NIPSNAP2: variants seen among roughly 807,000 people sequenced by gnomAD.
NIPSNAP2 encodes the protein protein NipSnap homolog 2.
NIPSNAP2 carries 42 observed loss-of-function variants against 48.4 expected under a neutral mutation model. The observed-to-expected ratio is 0.87, with a 90% CI of 0.68 to 1.12. NIPSNAP2 has a LOEUF of 1.12. Among genes scored for constraint, NIPSNAP2 ranks in the 50% most tolerant of loss-of-function variants. NIPSNAP2 has a pLI of 0.00. For missense variants in NIPSNAP2, 314 were observed against 347.3 expected, an observed-to-expected ratio of 0.90 and a Z score of 0.76; for synonymous variants, 158 against 126.6, an observed-to-expected ratio of 1.25 and a Z score of -1.67.
chr7:55,990,668 C>T (rs1787424653), intron 7 of NIPSNAP2, among the ~76,000 whole-genome samples: 1 of 152,158 alleles, frequency 6.6e-6, no homozygotes, highest in Non-Finnish European at 1.5e-5. Context: ...AAGGGGGAGG[C>T]CACATGGTGC....
intron 1 of NIPSNAP2, among the ~76,000 whole-genome samples, chr7:55,970,040 C>CATCCTGT (rs1325646911): frequency 2.0e-5 from 3 of 151,816 alleles, no homozygotes; most frequent in South Asian, 4.2e-4. Flanking sequence ...CCTGCTGCCT[C>CATCCTGT]ATCCTGTGGT....
chr7:55,966,232 T>A (rs1786893607), intron 1 of NIPSNAP2, among the ~76,000 whole-genome samples: 1 of 152,172 alleles, frequency 6.6e-6, no homozygotes, highest in Non-Finnish European at 1.5e-5. Context: ...AGGTAACATT[T>A]AGGAGTTGTC....
Position 55,978,040 on chromosome 7 carries a change from G to A in NIPSNAP2, c.93-86G>A, listed in dbSNP as rs539165939. On this transcript the variant is annotated intron_variant, in intron 1 of 9. Transcript: ENST00000322090. Reference sequence around the variant, plus strand: ...AGCCCAGGTTCTGGAACGGTGCCTAGAATAGCTGCTCACTGTGTTTGCCAG... The same window carrying A: ...AGCCCAGGTTCTGGAACGGTGCCTAAAATAGCTGCTCACTGTGTTTGCCAG... The A allele has an allele frequency of 4.7e-6, 7 of 1,489,622 alleles. No homozygotes were observed. In the East Asian group the frequency reaches 1.4e-4, roughly 29 times the overall value. 92.3% of individuals were successfully genotyped at this position (1,489,622 alleles called of 1,614,324 possible).
chr7:55,987,497 G>A (rs1387814045), intron 7 of NIPSNAP2, among the ~76,000 whole-genome samples: 3 of 152,024 alleles, frequency 2.0e-5, no homozygotes, highest in Non-Finnish European at 4.4e-5. Context: ...GCGTGGTAGC[G>A]TGCACCTGTA....
intron 1 of NIPSNAP2, among the ~76,000 whole-genome samples, chr7:55,972,454 CAG>C (rs1206422872): frequency 2.1e-5 from 3 of 139,672 alleles, no homozygotes; most frequent in African/African-American, 5.3e-5. Context: ...TTTTTTGAGA[CAG>C]AGTTTCACTC....
At chr7:55,985,059 G>T (rs1286710452) in intron 7 of NIPSNAP2, among the ~76,000 whole-genome samples, 181 bp downstream of exon 7, 1 of 152,090 alleles carries the variant, frequency 6.6e-6, no homozygotes, top group Non-Finnish European at 1.5e-5. Flanking sequence ...GAATAATGGG[G>T]CTCCCCTTCC....
At chr7:55,993,574 C>G (rs1787493504) in intron 7 of NIPSNAP2, among the ~76,000 whole-genome samples, 1 of 78,726 alleles carries the variant, frequency 1.3e-5, no homozygotes, top group Non-Finnish European at 2.7e-5. Flanking sequence ...GAGACTCCAT[C>G]TAAAAAAAAA....
rs2116352402 is a variant in NIPSNAP2 at position 55,982,278 on chromosome 7, A to G, written c.442A>G (p.Lys148Glu). Reference protein sequence around the residue: ...TEVMNKLRENKEFLEFRKARS... With the variant: ...TEVMNKLRENEEFLEFRKARS... The stretch of plus-strand genomic sequence containing the variant: ...AGTCATGAATAAACTCAGAGAAAAT[A>G]AGGTAATGATATTGAAAAATGTTTA... Residue 148 changes from lysine (K) to glutamate (E), a missense_variant and splice_region_variant, in exon 5 of 10, where the codon AAG (lysine) becomes GAG (glutamate). Physicochemically the swap from Lys to Glu is moderately conservative, Grantham distance 56 (BLOSUM62 1). Around this residue, in one of 2 missense-constraint regions of NIPSNAP2, gnomAD observed 198 missense variants for 185.5 expected, o/e 1.07. Transcript: ENST00000322090. 1 of 1,578,424 alleles carries G rather than the reference A, an allele frequency of 6.3e-7. No individual in the cohort carries two copies. The highest frequency in any genetic ancestry group is 1.1e-5 in the South Asian group (1 of 89,880).
At position 55,996,873 on chromosome 7, in the gene NIPSNAP2, C is replaced by CA. The variant is rs571146903; in HGVS notation, c.713-490dup. Among the ~76,000 whole-genome samples the CA allele has an allele frequency of 2.7e-4, 41 of 152,046 alleles. No homozygotes were observed. The South Asian group carries it at 8.3e-3, about 31-fold the overall frequency. ...TGAGACCCCATCTCAAACAAACAAA[C>CA]AAATAATTTTTTTAACTTAAGAATG... is the stretch of plus-strand genomic sequence containing the variant. On this transcript the variant is annotated intron_variant, in intron 8 of 9. Transcript: ENST00000322090.
intron 4 of NIPSNAP2, 52 bp downstream of exon 4, chr7:55,981,619 C>A: frequency 8.6e-7 from 1 of 1,157,968 alleles, no homozygotes; most frequent in Non-Finnish European, 1.3e-6. Flanking sequence ...CCTTATGTAA[C>A]ACTTAAGTAA....
At chr7:55,967,841 G>A (rs200425430) in intron 1 of NIPSNAP2, among the ~76,000 whole-genome samples, 2 of 150,604 alleles carry the variant, frequency 1.3e-5, no homozygotes, top group East Asian at 4.0e-4. Context: ...GTAGAGATGG[G>A]GTTTCTCCAT....
At chr7:55,973,142 T>C (rs1238561044) in intron 1 of NIPSNAP2, among the ~76,000 whole-genome samples, 1 of 151,996 alleles carries the variant, frequency 6.6e-6, no homozygotes, top group Non-Finnish European at 1.5e-5. Context: ...AAGCACAATA[T>C]AGACATTATA....
At chr7:55,996,285 C>CAAA (rs11464121) in intron 8 of NIPSNAP2, among the ~76,000 whole-genome samples, 35 of 109,666 alleles carry the variant, frequency 3.2e-4, no homozygotes, top group Non-Finnish European at 4.7e-4. Context: ...GACTCCGTCT[C>CAAA]AAAAAAAAAA....
rs182728492 is a variant in NIPSNAP2, at chr7:55,987,177, G to A, written c.617+2299G>A. On this transcript the variant is annotated intron_variant, in intron 7 of 9. Coordinates refer to ENST00000322090, the MANE Select transcript of NIPSNAP2 (RefSeq NM_001483.3). Reference sequence around the variant, plus strand: ...CAAAAATAAAAAATAAATTGAAAATGGAATTAGTGTGATTCAGCAGTCCCA... The same window carrying A: ...CAAAAATAAAAAATAAATTGAAAATAGAATTAGTGTGATTCAGCAGTCCCA... Among the ~76,000 whole-genome samples the A allele has an allele frequency of 9.6e-4, 146 of 151,996 alleles. 1 individual carries two copies. The Middle Eastern group carries it at 0.01, about 11-fold the overall frequency.
chr7:55,967,037 C>T (rs997972570), intron 1 of NIPSNAP2, among the ~76,000 whole-genome samples: 3 of 152,212 alleles, frequency 2.0e-5, no homozygotes, highest in Admixed American at 6.5e-5. Flanking sequence ...GGGAGAAGGG[C>T]GTCCTCCCGG....
rs894823234 is a variant in NIPSNAP2, at chr7:55,969,899, C to T, written c.92+5198C>T. On this transcript the variant is annotated intron_variant, in intron 1 of 9. Coordinates refer to ENST00000322090, the MANE Select transcript of NIPSNAP2 (RefSeq NM_001483.3). ...TCAGGAGGCTGAGGCAGGAGAATGG[C>T]GTGAACCCGGGAGGCGGAACTTGCA... Among the ~76,000 whole-genome samples the T allele has an allele frequency of 2.0e-5, 3 of 149,186 alleles. No homozygotes were observed. The East Asian group carries it at 6.0e-4, about 30-fold the overall frequency.
Position 55,997,383 on chromosome 7 carries a change from AC to A in NIPSNAP2, c.732del (p.Arg245GlyfsTer33). On this transcript the variant is annotated frameshift_variant, in exon 9 of 10. Transcript: ENST00000322090. LOFTEE classifies it high-confidence loss of function. ...TTTTTAAGCTTACAGGGATCTTCAG[AC>A]CAGGGAAGACATACGGAATGCAGCA... The part of the protein sequence containing the change: ...HHLWAYRDLQ[T>X]REDIRNAAWH... 1 of 1,613,838 alleles carries A rather than the reference AC, an allele frequency of 6.2e-7. No individual in the cohort carries two copies. The highest frequency in any genetic ancestry group is 8.5e-7 in the Non-Finnish European group (1 of 1,179,782).
At chr7:55,983,907 G>C (rs763679995) in intron 6 of NIPSNAP2, 39 bp downstream of exon 6, 1 of 1,591,064 alleles carries the variant, frequency 6.3e-7, no homozygotes, top group South Asian at 1.1e-5. Context: ...TTACTCCTCT[G>C]TGAAAAAGCA....
rs1273720235 is a variant in NIPSNAP2, at chr7:55,987,005, A to AC, written c.617+2127_617+2128insC. 2.8e-3 allele frequency among the ~76,000 whole-genome samples: 403 copies of AC among 143,872 alleles called. 2 individuals carry two copies. Among genetic ancestry groups the AC allele is most frequent in the Non-Finnish European group, 5.7e-3 (366 of 64,300 alleles). The allele number at this position is 143,872 out of a possible 152,430, so 94.4% of individuals were successfully genotyped here. On this transcript the variant is annotated intron_variant, in intron 7 of 9. Coordinates refer to ENST00000322090, the MANE Select transcript of NIPSNAP2 (RefSeq NM_001483.3). The stretch of plus-strand genomic sequence containing the variant: ...CTATAAAAAAAAAAAAAAAAAAAAA[A>AC]AAAAACTTGCCAGGCGTGGTGGTGG...
Sources: gnomAD v4.1 joint callset for allele counts (sites outside exome capture counted in the v4.1 genomes callset) on GRCh38, gnomAD v4.1.1 for gene constraint, gnomAD v4.1.1 regional missense constraint, MANE v1.5 for transcripts, NCBI Gene and HGNC (gene_info 2026-07-23, HGNC 2026-07-21) for gene names.